The following CNTNAP3 variants were observed in gnomAD, a reference collection of about 807,000 sequenced individuals.
The protein encoded by CNTNAP3 is contactin-associated protein-like 3.
CNTNAP3 carries 36 observed loss-of-function variants against 92.1 expected under a neutral mutation model. The observed-to-expected ratio is 0.39, with a 90% CI of 0.30 to 0.52. The LOEUF (loss-of-function observed/expected upper bound fraction) is 0.52, where lower values mean the gene tolerates loss of function less well. Ranked by LOEUF, CNTNAP3 falls within the 20% of genes least tolerant of loss-of-function variation. The pLI, the probability that CNTNAP3 is intolerant of heterozygous loss-of-function variation, is 0.76. For synonymous variants in CNTNAP3, 232 were observed against 422.3 expected (o/e 0.55, Z 5.53); for missense variants, 534 against 1,069.6 (o/e 0.50, Z 6.98).
rs1825511406 is a variant in CNTNAP3, at chr9:39,066,456, A to G, written c.*7434T>C. Among the ~76,000 whole-genome samples, 1 of 152,180 alleles carries G rather than the reference A, an allele frequency of 6.6e-6. No individual in the cohort carries two copies. Among genetic ancestry groups the G allele is most frequent in the Non-Finnish European group, 1.5e-5 (1 of 68,028 alleles). The stretch of plus-strand genomic sequence containing the variant: ...CAGTGCTCTTCATTTCTTTGTGTGG[A>G]TCCATGTTTCTATCTGCACAAAGAT... On this transcript the variant is annotated 3_prime_UTR_variant, in exon 24 of 24. Transcript: ENST00000297668.
chr9:39,102,080 C>T (rs1259856360), intron 17 of CNTNAP3, among the ~76,000 whole-genome samples: 1 of 152,222 alleles, frequency 6.6e-6, no homozygotes, highest in African/African-American at 2.4e-5. Flanking sequence ...GAGATCACGA[C>T]CATCCTGGCC....
In CNTNAP3 at chr9:39,065,860, T is replaced by C. The variant is rs489925; in HGVS notation, c.*8030A>G. Among the ~76,000 whole-genome samples the C allele has an allele frequency of 7.4e-6, 1 of 134,430 alleles. No homozygotes were observed. The highest frequency in any genetic ancestry group is 2.3e-4 in the South Asian group (1 of 4,296). The allele number at this position is 134,430 out of a possible 152,430, so 88.2% of individuals were successfully genotyped here. Reference sequence around the variant, plus strand: ...TTTATGAACTATATTCTGAAAAAAATTTACAGCATTCAAATAAAGTGTTGC... The same window carrying C: ...TTTATGAACTATATTCTGAAAAAAACTTACAGCATTCAAATAAAGTGTTGC... On this transcript the variant is annotated 3_prime_UTR_variant, in exon 24 of 24. Coordinates refer to ENST00000297668, the MANE Select transcript of CNTNAP3 (RefSeq NM_033655.5).
At chr9:39,134,711 A>T (rs1821386938) in intron 12 of CNTNAP3, among the ~76,000 whole-genome samples, 1 of 152,228 alleles carries the variant, frequency 6.6e-6, no homozygotes, top group South Asian at 2.1e-4. Flanking sequence ...TACAGGTGTG[A>T]GCCACCACGC....
chr9:39,087,477 G>A (rs909109575), intron 19 of CNTNAP3, among the ~76,000 whole-genome samples: 3 of 142,968 alleles, frequency 2.1e-5, no homozygotes, highest in East Asian at 2.3e-4. Flanking sequence ...CCTGTTAATC[G>A]GAGATTTTTT....
intron 13 of CNTNAP3, among the ~76,000 whole-genome samples, chr9:39,130,140 G>A (rs1283128271): frequency 1.3e-5 from 2 of 152,194 alleles, no homozygotes; most frequent in South Asian, 2.1e-4. Context: ...GCACTTTGGG[G>A]CATTAATTCC....
Position 39,122,876 on chromosome 9 carries a change from C to A in CNTNAP3, c.2081-4617G>T, listed in dbSNP as rs568760589. On this transcript the variant is annotated intron_variant, in intron 13 of 23. Transcript: ENST00000297668. ...TGCAAGAAGAGATAGGTACTATAAACAAAGATATGAAATTTCAAAGAATCA... is the reference window on the plus strand; with the variant it reads ...TGCAAGAAGAGATAGGTACTATAAAAAAAGATATGAAATTTCAAAGAATCA... Among the ~76,000 whole-genome samples, 5 of 151,918 alleles carry A rather than the reference C, an allele frequency of 3.3e-5. No homozygotes were observed. In the South Asian group the frequency reaches 1.0e-3, roughly 32 times the overall value.
chr9:39,122,254 C>T (rs182501761), intron 13 of CNTNAP3, among the ~76,000 whole-genome samples: 5,703 of 152,090 alleles, frequency 0.037, 25 homozygotes, highest in Non-Finnish European at 0.059. Flanking sequence ...ACTCGGGAGG[C>T]TGAGGCGGGA....
In CNTNAP3 at chr9:39,159,675, T is replaced by TAGATAGATAG. The variant is rs1563896050; in HGVS notation, c.1477+6257_1477+6258insCTATCTATCT. 10 of 134,706 alleles carry TAGATAGATAG rather than the reference T, an allele frequency of 7.4e-5. 1 individual carries two copies. The highest frequency in any genetic ancestry group is 2.5e-4 in the African/African-American group (8 of 31,900). 8.3% of individuals were successfully genotyped at this position (134,706 alleles called of 1,614,324 possible). ...AGATAGATAGATAGATAGATAGATA[T>TAGATAGATAG]ATGTAATCTTTTTCAGTATATTCTC... On this transcript the variant is annotated intron_variant, in intron 9 of 23. Transcript: ENST00000297668.
chr9:39,099,038 G>A (rs1380075584), intron 18 of CNTNAP3, among the ~76,000 whole-genome samples: 2 of 150,580 alleles, frequency 1.3e-5, no homozygotes, highest in Non-Finnish European at 1.5e-5. Flanking sequence ...GCAGTGGTGC[G>A]ATCTCTACTC....
At position 39,069,133 on chromosome 9, in the gene CNTNAP3, T is replaced by C. The variant is rs1455564314; in HGVS notation, c.*4757A>G. 1.3e-5 allele frequency among the ~76,000 whole-genome samples: 2 copies of C among 152,312 alleles called. No homozygotes were observed. The highest frequency in any genetic ancestry group is 2.1e-4 in the South Asian group (1 of 4,824). ...TCACTGCAGATTAAGATGAACATTG[T>C]AGATTGGAGCATATTATGGGAGCAA... On this transcript the variant is annotated 3_prime_UTR_variant, in exon 24 of 24. Transcript: ENST00000297668.
intron 12 of CNTNAP3, among the ~76,000 whole-genome samples, chr9:39,133,359 G>A (rs764180620): frequency 1.3e-5 from 2 of 152,148 alleles, no homozygotes; most frequent in Non-Finnish European, 2.9e-5. Flanking sequence ...CTTTTGTGAC[G>A]TCACGCCTAA....
At chr9:39,132,734 G>GA (rs1563887874) in intron 13 of CNTNAP3, among the ~76,000 whole-genome samples, 198 bp downstream of exon 13, 4 of 152,160 alleles carry the variant, frequency 2.6e-5, no homozygotes, top group Admixed American at 2.6e-4. Flanking sequence ...CGCGCTGAAC[G>GA]TCTCTCAACG....
chr9:39,110,223 C>A (rs1247961880), intron 14 of CNTNAP3, among the ~76,000 whole-genome samples: 1 of 152,022 alleles, frequency 6.6e-6, no homozygotes, highest in African/African-American at 2.4e-5. Context: ...TAGTGAGGCC[C>A]CGTCTCTACA....
In CNTNAP3 at chr9:39,065,436, C is replaced by G. The variant is rs1412390962; in HGVS notation, c.*8454G>C. 2.0e-4 allele frequency among the ~76,000 whole-genome samples: 30 copies of G among 151,654 alleles called. No individual in the cohort carries two copies. Among genetic ancestry groups the G allele is most frequent in the African/African-American group, 6.6e-4 (27 of 41,100 alleles). On this transcript the variant is annotated 3_prime_UTR_variant, in exon 24 of 24. Transcript: ENST00000297668. Reference sequence around the variant, plus strand: ...ATATTATAAGTAAAGATGCTATAAACGTTCTTGTGTAAGTCTTATAATGGG... The same window carrying G: ...ATATTATAAGTAAAGATGCTATAAAGGTTCTTGTGTAAGTCTTATAATGGG...
intron 21 of CNTNAP3, among the ~76,000 whole-genome samples, chr9:39,083,306 C>A (rs1321284812): frequency 2.6e-5 from 4 of 151,408 alleles, no homozygotes; most frequent in Admixed American, 1.3e-4. Flanking sequence ...TGGGAGCAGA[C>A]AAAAAGGCAT....
intron 21 of CNTNAP3, 169 bp downstream of exon 21, chr9:39,085,567 T>G: frequency 1.5e-6 from 1 of 669,202 alleles, no homozygotes; most frequent in Non-Finnish European, 2.6e-6. Context: ...CAGGTAGCAC[T>G]TAGTCATGAT....
In CNTNAP3 at chr9:39,101,960, G is replaced by A. The variant is rs1245296450; in HGVS notation, c.2755+537C>T. Among the ~76,000 whole-genome samples the A allele has an allele frequency of 3.3e-5, 5 of 152,362 alleles. No homozygotes were observed. The East Asian group carries it at 5.8e-4, about 18-fold the overall frequency. On this transcript the variant is annotated intron_variant, in intron 17 of 23. Coordinates refer to ENST00000297668, the MANE Select transcript of CNTNAP3 (RefSeq NM_033655.5). ...TTGGCTATCTCATCTGTAAACAGAT[G>A]ACAATACCTAAACATTGATACCTAA...
intron 18 of CNTNAP3, among the ~76,000 whole-genome samples, chr9:39,090,566 C>T (rs532023033): frequency 1.3e-5 from 2 of 152,424 alleles, no homozygotes; most frequent in South Asian, 4.1e-4. Context: ...TCAATTTTAT[C>T]CCAATGAGCT....
At position 39,149,870 on chromosome 9, in the gene CNTNAP3, C is replaced by A. The variant is rs1179209056; in HGVS notation, c.1585G>T (p.Val529Leu). The change falls in exon 10 of 24, where the codon GTA (valine) becomes TTA (leucine). Residue 529 changes from valine (V) to leucine (L), a missense_variant. Coordinates refer to ENST00000297668, the MANE Select transcript of CNTNAP3 (RefSeq NM_033655.5). Reference protein sequence around the residue: ...IGDKAVDPILVQQGALGSFRD... With the variant: ...IGDKAVDPILLQQGALGSFRD... ...AAACTCCCCAGCGCCCCCTGCTGTA[C>A]TAAGATGGGATCCACCGCTTTGTCA... 1 of 1,605,646 alleles carries A rather than the reference C, an allele frequency of 6.2e-7. No homozygotes were observed. The highest frequency in any genetic ancestry group is 8.5e-7 in the Non-Finnish European group (1 of 1,176,916).
Sources: gnomAD v4.1 joint callset for allele counts (sites outside exome capture counted in the v4.1 genomes callset) on GRCh38, gnomAD v4.1.1 for gene constraint, MANE v1.5 for transcripts, NCBI Gene and HGNC (gene_info 2026-07-23, HGNC 2026-07-21) for gene names.